Variants in SAMD3 observed in about 807,000 individuals in gnomAD.
SAMD3 encodes the protein sterile alpha motif domain containing 3, also known as sterile alpha motif domain-containing protein 3.
SAMD3 carries 63 observed loss-of-function variants against 58.5 expected under a neutral mutation model. The ratio of observed to expected loss-of-function variants is 1.08; its 90% confidence interval spans 0.88 to 1.33. The LOEUF (loss-of-function observed/expected upper bound fraction) is 1.33, where lower values mean the gene tolerates loss of function less well. Among genes scored for constraint, SAMD3 ranks in the 40% most tolerant of loss-of-function variants. The probability of loss-of-function intolerance (pLI) is 0.00; values close to 1 mark genes in which losing one functional copy is unlikely to be tolerated. For missense variants in SAMD3, 604 were observed against 608.4 expected, an observed-to-expected ratio of 0.99 and a Z score of 0.08; for synonymous variants, 220 against 210.3, an observed-to-expected ratio of 1.05 and a Z score of -0.40.
At chr6:130,147,020 C>T (rs1341672348) in intron 9 of SAMD3, among the ~76,000 whole-genome samples, 1 of 152,082 alleles carries the variant, frequency 6.6e-6, no homozygotes, top group Admixed American at 6.6e-5. Flanking sequence ...GATTTGACTA[C>T]AAGTTCAAAG....
intron 8 of SAMD3, among the ~76,000 whole-genome samples, chr6:130,173,009 C>T (rs1376699243): frequency 6.6e-6 from 1 of 152,112 alleles, no homozygotes; most frequent in African/African-American, 2.4e-5. Flanking sequence ...ACTATGGATA[C>T]TTGACGAAGT....
chr6:130,144,648 C>T lies in SAMD3; in HGVS notation c.1435G>A (p.Glu479Lys). ...LVAAFHVFRI[E>K]CPRRLSQTFN... ...GTTTGGGACAGTCTTCTTGGACACT[C>T]AATCCTAAATACATGAAAGGCAGCT... Residue 479 changes from glutamate (E) to lysine (K), a missense_variant, in exon 12 of 12, where the codon GAG (glutamate) becomes AAG (lysine). Glu to Lys is a moderately conservative substitution (Grantham distance 56). Transcript: ENST00000439090. The T allele has an allele frequency of 6.2e-7, 1 of 1,614,094 alleles. No homozygotes were observed. Among genetic ancestry groups the T allele is most frequent in the Non-Finnish European group, 8.5e-7 (1 of 1,179,986 alleles).
At chr6:130,327,962 AG>A (rs1583111704) in intron 1 of SAMD3, among the ~76,000 whole-genome samples, 1 of 152,210 alleles carries the variant, frequency 6.6e-6, no homozygotes, top group Admixed American at 6.5e-5. Context: ...GTTTATCTCC[AG>A]AAATGGGATT....
chr6:130,181,657 T>C (rs1792340259), intron 7 of SAMD3, among the ~76,000 whole-genome samples: 1 of 152,186 alleles, frequency 6.6e-6, no homozygotes, highest in African/African-American at 2.4e-5. Context: ...ATTGAATCAA[T>C]ATGGATTTGC....
chr6:130,181,373 T>C (rs1792318808), intron 7 of SAMD3, among the ~76,000 whole-genome samples: 1 of 152,216 alleles, frequency 6.6e-6, no homozygotes, highest in African/African-American at 2.4e-5. Context: ...CATTTTCCAC[T>C]GTAACATTAG....
At chr6:130,299,078 T>C (rs1775662038) in intron 2 of SAMD3, among the ~76,000 whole-genome samples, 1 of 151,994 alleles carries the variant, frequency 6.6e-6, no homozygotes, top group Admixed American at 6.6e-5. Flanking sequence ...ACAAAGAAAC[T>C]CTGGACTTAA....
chr6:130,343,728 G>A (rs1196378149), intron 1 of SAMD3, among the ~76,000 whole-genome samples: 2 of 152,224 alleles, frequency 1.3e-5, no homozygotes, highest in African/African-American at 2.4e-5. Context: ...ACTTTGAGAG[G>A]CTGAGTTGGG....
At chr6:130,177,764 C>T (rs1246796033) in intron 7 of SAMD3, among the ~76,000 whole-genome samples, 3 of 152,000 alleles carry the variant, frequency 2.0e-5, no homozygotes, top group Non-Finnish European at 2.9e-5. Context: ...TTCCTCTAGG[C>T]TATAAGCACA....
At chr6:130,163,462 T>A (rs2114622136) in intron 8 of SAMD3, among the ~76,000 whole-genome samples, 1 of 152,312 alleles carries the variant, frequency 6.6e-6, no homozygotes, top group East Asian at 1.9e-4. Flanking sequence ...TAGCTTAGCT[T>A]AGCATTCAGG....
chr6:130,313,505 G>A (rs1016165292), intron 1 of SAMD3, among the ~76,000 whole-genome samples: 2 of 152,176 alleles, frequency 1.3e-5, no homozygotes, highest in African/African-American at 4.8e-5. Context: ...AAATAAAAGT[G>A]CAGCTGTAAG....
At chr6:130,166,672 C>T (rs1481947934) in intron 8 of SAMD3, among the ~76,000 whole-genome samples, 1 of 152,024 alleles carries the variant, frequency 6.6e-6, no homozygotes, top group Non-Finnish European at 1.5e-5. Context: ...CTGCAGTCTA[C>T]AAATCAACAA....
chr6:130,347,182 T>C (rs1777483200), intron 1 of SAMD3, among the ~76,000 whole-genome samples: 2 of 152,054 alleles, frequency 1.3e-5, no homozygotes, highest in Non-Finnish European at 2.9e-5. Context: ...CCTCTCCTCC[T>C]CCAAAGGAAT....
intron 8 of SAMD3, 53 bp downstream of exon 8, chr6:130,175,788 A>G (rs1791668204): frequency 7.9e-6 from 9 of 1,140,594 alleles, no homozygotes; most frequent in Non-Finnish European, 1.0e-5. Flanking sequence ...ATTATCCCTT[A>G]ATCAATATAT....
intron 2 of SAMD3, among the ~76,000 whole-genome samples, chr6:130,290,100 C>A (rs1038419144): frequency 1.3e-5 from 2 of 152,072 alleles, no homozygotes; most frequent in Non-Finnish European, 2.9e-5. Flanking sequence ...ATAGAAACTT[C>A]AGATATACAA....
At chr6:130,146,231 T>C (rs2041197879) in intron 9 of SAMD3, 50 bp from the exon 10 acceptor site, 1 of 1,191,750 alleles carries the variant, frequency 8.4e-7, no homozygotes, top group Non-Finnish European at 1.1e-6. Context: ...GAAAAGCTAA[T>C]ATATAGAATG....
intron 7 of SAMD3, chr6:130,183,325 A>G (rs1393512982): frequency 2.3e-6 from 1 of 433,572 alleles, no homozygotes; most frequent in Non-Finnish European, 4.5e-6. Flanking sequence ...TGAGAGAGCG[A>G]GACTCCGTCT....
intron 4 of SAMD3, among the ~76,000 whole-genome samples, chr6:130,210,737 G>A (rs112532398): frequency 1.4e-3 from 212 of 152,226 alleles, no homozygotes; most frequent in African/African-American, 4.7e-3. Flanking sequence ...GGAAGGGAAG[G>A]TTGAACATGC....
chr6:130,341,363 T>G (rs1777267769), intron 1 of SAMD3, among the ~76,000 whole-genome samples: 1 of 152,190 alleles, frequency 6.6e-6, no homozygotes, highest in Admixed American at 6.6e-5. Context: ...TGTTTTTAAT[T>G]CAGGTTTTAG....
chr6:130,189,636 T>C (rs1316779570), intron 5 of SAMD3, among the ~76,000 whole-genome samples: 3 of 152,208 alleles, frequency 2.0e-5, no homozygotes, highest in Non-Finnish European at 4.4e-5. Flanking sequence ...TATTTACTTA[T>C]TTCCATGGTT....
Sources: allele counts gnomAD v4.1 joint callset (sites outside exome capture counted in the v4.1 genomes callset), GRCh38; gene constraint gnomAD v4.1.1; transcripts MANE v1.5; gene names NCBI Gene and HGNC (gene_info 2026-07-23, HGNC 2026-07-21).